Variants in NSD3 observed in about 807,000 individuals in gnomAD.
NSD3 encodes the protein nuclear receptor binding SET domain protein 3.
NSD3 carries 24 observed loss-of-function variants against 160.8 expected under a neutral mutation model. The ratio of observed to expected loss-of-function variants is 0.15; its 90% confidence interval spans 0.11 to 0.21. The LOEUF is 0.21. Ranked by LOEUF, NSD3 falls within the 10% of genes least tolerant of loss-of-function variation. The probability of loss-of-function intolerance (pLI) is 1.00; values close to 1 mark genes in which losing one functional copy is unlikely to be tolerated. For missense variants in NSD3, 1,157 were observed against 1,735.9 expected (o/e 0.67, Z 5.93); for synonymous variants, 520 against 600.0 (o/e 0.87, Z 1.95).
At chr8:38,334,719 T>A (rs1810166548) in intron 4 of NSD3, among the ~76,000 whole-genome samples, 1 of 152,052 alleles carries the variant, frequency 6.6e-6, no homozygotes, top group African/African-American at 2.4e-5. Flanking sequence ...GAGATCGTGC[T>A]ACTGCACTAC....
In NSD3 at chr8:38,317,121, G is replaced by C. The variant is rs1563352767; in HGVS notation, c.1856-1079C>G. 9.4e-7 allele frequency: 1 copy of C among 1,062,254 alleles called. No homozygotes were observed. The highest frequency in any genetic ancestry group is 5.4e-5 in the Admixed American group (1 of 18,642). The allele number at this position is 1,062,254 out of a possible 1,614,324, so 65.8% of individuals were successfully genotyped here. On this transcript the variant is annotated intron_variant, in intron 9 of 23. Coordinates refer to ENST00000317025, the MANE Select transcript of NSD3 (RefSeq NM_023034.2). The surrounding 1 kb of genome is among the most constrained non-coding windows in gnomAD (Gnocchi z 5.3). ...GAAACAAGTCTCCTGAGGCCATGAAGATCCGCAACAGGCTGAGTGAGAGTA... is the reference window on the plus strand; with the variant it reads ...GAAACAAGTCTCCTGAGGCCATGAACATCCGCAACAGGCTGAGTGAGAGTA...
At chr8:38,309,772 G>A (rs1406842788) in intron 12 of NSD3, among the ~76,000 whole-genome samples, 1 of 152,106 alleles carries the variant, frequency 6.6e-6, no homozygotes, top group Middle Eastern at 3.2e-3. Context: ...TATTCAAAAG[G>A]GCAAATAAAG....
chr8:38,326,933 G>T, intron 6 of NSD3, 77 bp from the exon 7 acceptor site: 1 of 1,486,466 alleles, frequency 6.7e-7, no homozygotes, highest in Non-Finnish European at 9.0e-7. Flanking sequence ...TATAAAGATG[G>T]CTTAAAATGA....
chr8:38,332,497 T>C (rs1238225514), intron 4 of NSD3, among the ~76,000 whole-genome samples: 1 of 152,164 alleles, frequency 6.6e-6, no homozygotes, highest in African/African-American at 2.4e-5. Context: ...CAAAAGCCTT[T>C]TTGAGTCCTC....
At chr8:38,340,389 G>A (rs979428641) in intron 2 of NSD3, among the ~76,000 whole-genome samples, 2 of 152,202 alleles carry the variant, frequency 1.3e-5, no homozygotes, top group African/African-American at 4.8e-5. Context: ...CTAGGCTGGA[G>A]TGTGGTGGCG....
chr8:38,299,690 G>T, intron 14 of NSD3, 100 bp from the exon 15 acceptor site: 1 of 1,198,734 alleles, frequency 8.3e-7, no homozygotes, highest in East Asian at 2.9e-5. Context: ...TTCAAAGCTG[G>T]GGTGGGGAGG....
chr8:38,342,865 A>G (rs921403601), intron 2 of NSD3, among the ~76,000 whole-genome samples: 1 of 151,756 alleles, frequency 6.6e-6, no homozygotes, highest in South Asian at 2.1e-4. Context: ...TCAGCCTATT[A>G]CTTTTATTAA....
chr8:38,358,236 T>C (rs895206752), intron 1 of NSD3, among the ~76,000 whole-genome samples: 2 of 152,104 alleles, frequency 1.3e-5, no homozygotes, highest in African/African-American at 2.4e-5. Flanking sequence ...AATCATACTA[T>C]AAAACAAAGT....
chr8:38,293,608 GT>G (rs1417145021), intron 16 of NSD3, among the ~76,000 whole-genome samples: 1 of 151,534 alleles, frequency 6.6e-6, no homozygotes, highest in Non-Finnish European at 1.5e-5. Context: ...AAAAATTACA[GT>G]ATATTTAAAA....
Position 38,317,784 on chromosome 8 carries a change from T to G in NSD3, c.1855+1111A>C. ...CCGAAAAAAAAAAATCATTTGACTG[T>G]TAAAGCAATTGTTCAGAGTCTTGAA... On this transcript the variant is annotated intron_variant, in intron 9 of 23. Transcript: ENST00000317025. This position sits in a 1 kb window ranked among gnomAD's most constrained non-coding sequence, Gnocchi z 5.3. 1 of 1,427,556 alleles carries G rather than the reference T, an allele frequency of 7.0e-7. No individual in the cohort carries two copies. 88.4% of individuals were successfully genotyped at this position (1,427,556 alleles called of 1,614,324 possible).
chr8:38,348,640 C>T (rs886466906), intron 1 of NSD3, among the ~76,000 whole-genome samples: 1 of 152,126 alleles, frequency 6.6e-6, no homozygotes. Context: ...GTTTTTATTA[C>T]AAAAATAATA....
At chr8:38,363,639 CAAAAAAAAA>C (rs768805402) in intron 1 of NSD3, among the ~76,000 whole-genome samples, 8 of 48,710 alleles carry the variant, frequency 1.6e-4, no homozygotes, top group African/African-American at 6.4e-4. Context: ...GACTCCGTCT[CAAAAAAAAA>C]AAAAAAAAAA....
chr8:38,331,341 A>G, intron 5 of NSD3, 90 bp downstream of exon 5: 2 of 1,357,468 alleles, frequency 1.5e-6, no homozygotes, highest in South Asian at 3.6e-5. Flanking sequence ...GGATTCTAAT[A>G]ATTATCTGAA....
intron 5 of NSD3, 114 bp from the exon 6 acceptor site, chr8:38,330,007 G>A: frequency 7.9e-7 from 1 of 1,269,728 alleles, no homozygotes; most frequent in Non-Finnish European, 1.1e-6. Context: ...AATATCTTCA[G>A]GTTCTTTGGT....
chr8:38,374,114 CAAA>C (rs997756717), intron 1 of NSD3, among the ~76,000 whole-genome samples: 1 of 137,962 alleles, frequency 7.2e-6, no homozygotes. Context: ...GACCCTGTCT[CAAA>C]AAAAAAAAAA....
At chr8:38,381,771 C>T (rs1585945505) in intron 1 of NSD3, 28 bp downstream of exon 1, 2 of 148,622 alleles carry the variant, frequency 1.3e-5, no homozygotes, top group Non-Finnish European at 2.9e-5. Flanking sequence ...CACACACACA[C>T]ACATACACAC....
At position 38,329,703 on chromosome 8, in the gene NSD3, G is replaced by A. The variant is rs751919821; in HGVS notation, c.1256C>T (p.Thr419Ile). Residue 419 changes from threonine (T) to isoleucine (I), a missense_variant, in exon 6 of 24, where the codon ACC (threonine) becomes ATC (isoleucine). Around this residue, in one of 10 missense-constraint regions of NSD3, gnomAD observed 168 missense variants for 208.1 expected, o/e 0.81. Coordinates refer to ENST00000317025, the MANE Select transcript of NSD3 (RefSeq NM_023034.2). The surrounding 1 kb of genome is among the most constrained non-coding windows in gnomAD (Gnocchi z 4.8). ...SVASKTEVKK[T>I]RRPRSVLNTQ... ...ATTCAGCACAGATCTTGGTCGTCGG[G>A]TTTTTTTAACTTCGGTTTTGGAGGC... The A allele has an allele frequency of 4.3e-6, 7 of 1,614,122 alleles. No individual in the cohort carries two copies. Among genetic ancestry groups the A allele is most frequent in the Non-Finnish European group, 5.9e-6 (7 of 1,180,032 alleles).
intron 2 of NSD3, among the ~76,000 whole-genome samples, chr8:38,340,095 G>T (rs1181193183): frequency 6.6e-6 from 1 of 151,212 alleles, no homozygotes; most frequent in African/African-American, 2.4e-5. Context: ...CGTCTTTTCT[G>T]TAAAAAAAAA....
Position 38,315,559 on chromosome 8 carries a change from T to C in NSD3, c.1987-15A>G, listed in dbSNP as rs753048631. The C allele has an allele frequency of 1.3e-5, 21 of 1,611,286 alleles. No individual in the cohort carries two copies. Among genetic ancestry groups the C allele is most frequent in the South Asian group, 2.2e-5 (2 of 90,786 alleles). On this transcript the variant is annotated splice_polypyrimidine_tract_variant and intron_variant, in intron 10 of 23. Coordinates refer to ENST00000317025, the MANE Select transcript of NSD3 (RefSeq NM_023034.2). Reference sequence around the variant, plus strand: ...CCAAAGCCTACCTACATAGAAAACATAGCATTTTTAAGAAAAACAAAATGA... The same window carrying C: ...CCAAAGCCTACCTACATAGAAAACACAGCATTTTTAAGAAAAACAAAATGA...
Sources: allele counts gnomAD v4.1 joint callset (sites outside exome capture counted in the v4.1 genomes callset), GRCh38; gene constraint gnomAD v4.1.1; regional missense constraint gnomAD v4.1.1; non-coding constraint Gnocchi (gnomAD v3.1); transcripts MANE v1.5; gene names NCBI Gene and HGNC (gene_info 2026-07-23, HGNC 2026-07-21).